LRRC4C: variants seen among roughly 807,000 people sequenced by gnomAD.
LRRC4C encodes leucine rich repeat containing 4C.
A neutral mutation model predicts 33.6 loss-of-function variants in LRRC4C; 5 were observed. That is an observed-to-expected ratio of 0.15 (90% confidence interval 0.08 to 0.31). LRRC4C has a LOEUF of 0.31. Among genes scored for constraint, LRRC4C ranks in the 10% least tolerant of loss-of-function variants. The pLI is 1.00. For synonymous variants in LRRC4C, 329 were observed against 302.0 expected (o/e 1.09, Z -0.93); for missense variants, 560 against 796.7 (o/e 0.70, Z 3.58).
At chr11:40,607,299 G>A (rs569000594) in intron 3 of LRRC4C, among the ~76,000 whole-genome samples, 3 of 152,202 alleles carry the variant, frequency 2.0e-5, no homozygotes, top group South Asian at 2.1e-4. Flanking sequence ...TTCACCTTCC[G>A]GCCTCTGCCC....
chr11:40,805,147 T>C (rs1430388068), intron 2 of LRRC4C, among the ~76,000 whole-genome samples: 1 of 152,156 alleles, frequency 6.6e-6, no homozygotes, highest in Non-Finnish European at 1.5e-5. Context: ...GTCCCAGAAA[T>C]TGAATCAATG....
intron 3 of LRRC4C, among the ~76,000 whole-genome samples, chr11:40,587,762 A>C (rs1019979509): frequency 6.6e-6 from 1 of 152,028 alleles, no homozygotes; most frequent in African/African-American, 2.4e-5. Context: ...GGCTCTGTTT[A>C]TATGCTGGAT....
chr11:40,218,647 T>TATCTATCTATCTATCTATC, intron 5 of LRRC4C, among the ~76,000 whole-genome samples: 1 of 148,416 alleles, frequency 6.7e-6, no homozygotes, highest in East Asian at 1.9e-4. Context: ...TCTATTTATC[T>TATCTATCTATCTATCTATC]ATCTATCATC....
At chr11:40,139,287 C>T (rs1857201343) in intron 6 of LRRC4C, among the ~76,000 whole-genome samples, 2 of 152,096 alleles carry the variant, frequency 1.3e-5, no homozygotes, top group Admixed American at 1.3e-4. Context: ...TCTATGGAAA[C>T]CCCTTAAGTT....
At chr11:40,734,390 C>T (rs1185720110) in intron 2 of LRRC4C, among the ~76,000 whole-genome samples, 1 of 152,154 alleles carries the variant, frequency 6.6e-6, no homozygotes, top group African/African-American at 2.4e-5. Context: ...TTCTCTCTTC[C>T]CTCCTGCTCA....
At chr11:41,027,109 G>T (rs1331969131) in intron 1 of LRRC4C, among the ~76,000 whole-genome samples, 1 of 151,510 alleles carries the variant, frequency 6.6e-6, no homozygotes, top group Non-Finnish European at 1.5e-5. Context: ...TGCCTAATTC[G>T]ACATAACCTA....
At chr11:40,924,122 G>GTGTA (rs370589025) in intron 2 of LRRC4C, among the ~76,000 whole-genome samples, 45,406 of 144,608 alleles carry the variant, frequency 0.31, 8,308 homozygotes, top group East Asian at 0.49. Context: ...GTGTGTGTGT[G>GTGTA]TATATATATA....
At chr11:41,085,061 A>T (rs560144632) in intron 1 of LRRC4C, among the ~76,000 whole-genome samples, 29 of 152,224 alleles carry the variant, frequency 1.9e-4, no homozygotes, top group African/African-American at 6.3e-4. Flanking sequence ...TGCATGTATA[A>T]CTCCTCAGAC....
chr11:40,729,483 G>A (rs1427163105), intron 2 of LRRC4C, among the ~76,000 whole-genome samples: 1 of 151,988 alleles, frequency 6.6e-6, no homozygotes, highest in Non-Finnish European at 1.5e-5. Flanking sequence ...CCAGCTTCAG[G>A]TCCTGATATT....
At chr11:40,394,260 G>A (rs1461448854) in intron 3 of LRRC4C, among the ~76,000 whole-genome samples, 1 of 152,120 alleles carries the variant, frequency 6.6e-6, no homozygotes, top group Non-Finnish European at 1.5e-5. Flanking sequence ...CAGTATGCTA[G>A]CGAAAAAACA....
At chr11:41,079,552 TG>T (rs1250307029) in intron 1 of LRRC4C, among the ~76,000 whole-genome samples, 1 of 152,064 alleles carries the variant, frequency 6.6e-6, no homozygotes, top group Non-Finnish European at 1.5e-5. Context: ...TTGCAATATC[TG>T]GGTTCGTAAG....
intron 5 of LRRC4C, among the ~76,000 whole-genome samples, chr11:40,225,702 C>T (rs899206802): frequency 1.4e-4 from 21 of 151,804 alleles, no homozygotes; most frequent in Non-Finnish European, 2.6e-4. Flanking sequence ...CAGCAACTTC[C>T]GCCTCCCGGG....
At chr11:40,174,851 T>C (rs1860341664) in intron 5 of LRRC4C, among the ~76,000 whole-genome samples, 1 of 152,240 alleles carries the variant, frequency 6.6e-6, no homozygotes, top group African/African-American at 2.4e-5. Context: ...TTATAAGTAA[T>C]ATTTCTATTT....
intron 1 of LRRC4C, among the ~76,000 whole-genome samples, chr11:41,247,085 C>T (rs918502959): frequency 1.3e-5 from 2 of 152,242 alleles, no homozygotes; most frequent in African/African-American, 4.8e-5. Context: ...CAGCTTCCAG[C>T]TGCCTAATTA....
At chr11:40,601,038 G>A (rs1959943602) in intron 3 of LRRC4C, among the ~76,000 whole-genome samples, 3 of 152,056 alleles carry the variant, frequency 2.0e-5, no homozygotes. Flanking sequence ...CTTTCATTAT[G>A]GTAGTCCTAC....
At chr11:40,952,081 T>A (rs1263693940) in intron 1 of LRRC4C, among the ~76,000 whole-genome samples, 2 of 152,030 alleles carry the variant, frequency 1.3e-5, no homozygotes, top group Non-Finnish European at 2.9e-5. Flanking sequence ...TTATTAATTT[T>A]ATTCATGTGT....
At chr11:41,069,347 T>C (rs999561565) in intron 1 of LRRC4C, among the ~76,000 whole-genome samples, 68 of 152,174 alleles carry the variant, frequency 4.5e-4, no homozygotes, top group African/African-American at 1.6e-3. Context: ...CCATTTCCTT[T>C]GAAAACCAGC....
chr11:41,112,548 G>A (rs1328404076), intron 1 of LRRC4C, among the ~76,000 whole-genome samples: 1 of 152,012 alleles, frequency 6.6e-6, no homozygotes, highest in African/African-American at 2.4e-5. Context: ...AAGGCAATGG[G>A]CATAGAATAA....
At position 41,193,496 on chromosome 11, in the gene LRRC4C, A is replaced by T. The variant is rs562234434; in HGVS notation, c.-495-259773T>A. 2.0e-5 allele frequency among the ~76,000 whole-genome samples: 3 copies of T among 152,230 alleles called. No individual in the cohort carries two copies. In the East Asian group the frequency reaches 5.8e-4, roughly 29 times the overall value. On this transcript the variant is annotated intron_variant, in intron 1 of 6. Coordinates refer to ENST00000528697, the MANE Select transcript of LRRC4C (RefSeq NM_001258419.2). ...TCGTTGTTATAGAAAAAGCCATGAA[A>T]CCCATCAAGCTAGGAAGAAGATATT...
Sources: gnomAD v4.1 joint callset for allele counts (sites outside exome capture counted in the v4.1 genomes callset) on GRCh38, gnomAD v4.1.1 for gene constraint, MANE v1.5 for transcripts, NCBI Gene and HGNC (gene_info 2026-07-23, HGNC 2026-07-21) for gene names.